ADGRL3: variants seen among roughly 807,000 people sequenced by gnomAD.
ADGRL3 encodes the protein adhesion G protein-coupled receptor L3.
ADGRL3 carries 62 observed loss-of-function variants against 153.5 expected under a neutral mutation model. The ratio of observed to expected loss-of-function variants is 0.40; its 90% confidence interval spans 0.33 to 0.50. ADGRL3 has a LOEUF of 0.50. Ranked by LOEUF, ADGRL3 falls within the 20% of genes least tolerant of loss-of-function variation. ADGRL3 has a pLI of 0.47. For missense variants in ADGRL3, 1,641 were observed against 1,859.4 expected (o/e 0.88, Z 2.16); for synonymous variants, 710 against 672.5 (o/e 1.06, Z -0.86).
At chr4:61,271,744 C>T (rs895194947) in intron 1 of ADGRL3, among the ~76,000 whole-genome samples, 2 of 152,072 alleles carry the variant, frequency 1.3e-5, no homozygotes, top group Non-Finnish European at 2.9e-5. Flanking sequence ...TGGAGGAAGA[C>T]GTCACTTAAC....
intron 5 of ADGRL3, among the ~76,000 whole-genome samples, chr4:61,658,023 A>G (rs559984318): frequency 1.3e-5 from 2 of 152,214 alleles, no homozygotes; most frequent in East Asian, 3.9e-4. Flanking sequence ...TCAACACACA[A>G]CCAGTAAGTC....
At chr4:61,743,005 T>C (rs867418532) in intron 8 of ADGRL3, among the ~76,000 whole-genome samples, 3 of 151,270 alleles carry the variant, frequency 2.0e-5, no homozygotes, top group African/African-American at 7.4e-5. Flanking sequence ...CTTAAATTTT[T>C]TTTTTTTTCA....
At chr4:61,382,160 A>G (rs538421548) in intron 1 of ADGRL3, among the ~76,000 whole-genome samples, 1 of 151,958 alleles carries the variant, frequency 6.6e-6, no homozygotes, top group South Asian at 2.1e-4. Context: ...GCAAAATTCT[A>G]GAATAGATAA....
rs1213801985 is a variant in ADGRL3 at position 62,037,751 on chromosome 4, A to G, written c.3612A>G (p.Lys1204=). Residue 1204 remains lysine, a synonymous_variant, in exon 24 of 27, where the codon AAA becomes AAG. Transcript: ENST00000683033. ...LQKKVRKEYG[K]CLRTHCCSGK... is the part of the protein sequence containing the mutation. ...GCTAGGTACGAAAAGAGTATGGGAA[A>G]TGCCTGCGAACACATTGCTGTAGTG... 1.9e-6 allele frequency: 3 copies of G among 1,613,778 alleles called. No individual in the cohort carries two copies. The highest frequency in any genetic ancestry group is 1.1e-5 in the South Asian group (1 of 91,086).
intron 6 of ADGRL3, among the ~76,000 whole-genome samples, chr4:61,725,547 A>G (rs1004840669): frequency 2.7e-5 from 4 of 149,830 alleles, no homozygotes; most frequent in Admixed American, 6.7e-5. Flanking sequence ...GTGAGCCAAG[A>G]TTGCGCCATT....
At chr4:61,352,569 G>C (rs1397920852) in intron 1 of ADGRL3, among the ~76,000 whole-genome samples, 1 of 151,902 alleles carries the variant, frequency 6.6e-6, no homozygotes, top group South Asian at 2.1e-4. Flanking sequence ...ATTTTTAGTA[G>C]AGACAGGGTC....
intron 13 of ADGRL3, among the ~76,000 whole-genome samples, chr4:61,926,143 A>G (rs1386903302): frequency 6.6e-6 from 1 of 152,194 alleles, no homozygotes; most frequent in African/African-American, 2.4e-5. Flanking sequence ...CAGTAAAAAT[A>G]TGATATAAAA....
chr4:61,506,294 C>CA (rs555431733), intron 3 of ADGRL3, among the ~76,000 whole-genome samples: 74 of 151,394 alleles, frequency 4.9e-4, no homozygotes, highest in Admixed American at 4.6e-4. Flanking sequence ...GAATTAGAAC[C>CA]AAAAAAAACA....
intron 13 of ADGRL3, among the ~76,000 whole-genome samples, chr4:61,916,469 C>T (rs758968886): frequency 2.3e-4 from 34 of 150,370 alleles, no homozygotes; most frequent in Non-Finnish European, 4.3e-4. Context: ...AACCATGTCT[C>T]TTAAAAAAAA....
intron 8 of ADGRL3, among the ~76,000 whole-genome samples, chr4:61,794,608 CAAAT>C (rs752409237): frequency 3.0e-4 from 45 of 152,102 alleles, no homozygotes; most frequent in Non-Finnish European, 5.6e-4. Context: ...CCATTTGAAA[CAAAT>C]AAAAGCTTCC....
intron 1 of ADGRL3, among the ~76,000 whole-genome samples, chr4:61,372,484 C>T (rs925203602): frequency 1.9e-4 from 29 of 152,290 alleles, no homozygotes; most frequent in Non-Finnish European, 3.5e-4. Context: ...TTGGAGTACC[C>T]TGCAGTGTGA....
chr4:61,804,313 G>C (rs1016532172), intron 8 of ADGRL3, among the ~76,000 whole-genome samples: 3 of 152,066 alleles, frequency 2.0e-5, no homozygotes, highest in African/African-American at 7.2e-5. Flanking sequence ...CTAACATGCT[G>C]TCAAATCTTG....
At chr4:61,402,408 A>G (rs2096940259) in intron 2 of ADGRL3, among the ~76,000 whole-genome samples, 1 of 152,256 alleles carries the variant, frequency 6.6e-6, no homozygotes, top group Non-Finnish European at 1.5e-5. Context: ...TAATGCTGTC[A>G]TCTACATGGA....
At chr4:61,471,422 G>A (rs1037208524) in intron 2 of ADGRL3, among the ~76,000 whole-genome samples, 5 of 151,612 alleles carry the variant, frequency 3.3e-5, no homozygotes, top group Non-Finnish European at 7.4e-5. Flanking sequence ...GATGTTAATA[G>A]TATACAGATA....
intron 5 of ADGRL3, among the ~76,000 whole-genome samples, chr4:61,602,646 A>G (rs1497916): frequency 0.62 from 95,011 of 152,032 alleles, 31,552 homozygotes; most frequent in East Asian, 0.91. Flanking sequence ...AAAAAATGAA[A>G]GAACAGAGCT....
intron 21 of ADGRL3, among the ~76,000 whole-genome samples, chr4:62,018,961 G>A (rs1473015227): frequency 1.3e-5 from 2 of 152,188 alleles, no homozygotes; most frequent in Non-Finnish European, 2.9e-5. Flanking sequence ...GAAGGAGTTT[G>A]CGTAGCAGTG....
chr4:61,327,581 A>C (rs1011155162), intron 1 of ADGRL3, among the ~76,000 whole-genome samples: 2 of 152,006 alleles, frequency 1.3e-5, no homozygotes, highest in Non-Finnish European at 2.9e-5. Flanking sequence ...CAGTCAATTC[A>C]AAGGACTGAT....
chr4:61,387,281 C>T (rs546117976), intron 2 of ADGRL3, among the ~76,000 whole-genome samples: 1 of 152,210 alleles, frequency 6.6e-6, no homozygotes, highest in African/African-American at 2.4e-5. Flanking sequence ...GGAGGCAGGG[C>T]AAGATCACAG....
At chr4:61,795,774 T>C (rs946884180) in intron 8 of ADGRL3, among the ~76,000 whole-genome samples, 8 of 152,182 alleles carry the variant, frequency 5.3e-5, no homozygotes, top group Admixed American at 3.9e-4. Flanking sequence ...CCCAAGCAGA[T>C]TATGCATCAA....
Sources: gnomAD v4.1 joint callset for allele counts (sites outside exome capture counted in the v4.1 genomes callset) on GRCh38, gnomAD v4.1.1 for gene constraint, MANE v1.5 for transcripts, NCBI Gene and HGNC (gene_info 2026-07-23, HGNC 2026-07-21) for gene names.